NTRK3: variants seen among roughly 807,000 people sequenced by gnomAD.
NTRK3 encodes NT-3 growth factor receptor.
Under a neutral mutation model 91.7 loss-of-function variants are expected in NTRK3, and 24 were observed. The observed-to-expected ratio is 0.26, with a 90% CI of 0.19 to 0.37. The LOEUF is 0.37. Ranked by LOEUF, NTRK3 falls within the 10% of genes least tolerant of loss-of-function variation. The pLI, the probability that NTRK3 is intolerant of heterozygous loss-of-function variation, is 1.00. For synonymous variants in NTRK3, 483 were observed against 404.0 expected (o/e 1.20, Z -2.34); for missense variants, 880 against 1,068.9 (o/e 0.82, Z 2.46).
intron 17 of NTRK3, among the ~76,000 whole-genome samples, chr15:87,887,869 A>T (rs561988379): frequency 3.7e-4 from 57 of 152,312 alleles, no homozygotes; most frequent in Non-Finnish European, 7.2e-4. Context: ...AGAAGCCTCT[A>T]TCATCCCCAA....
chr15:88,253,617 C>T (rs936133874), intron 3 of NTRK3: 2 of 152,294 alleles, frequency 1.3e-5, no homozygotes, highest in Non-Finnish European at 2.9e-5. Context: ...GTCATTTGAC[C>T]CATGACCTCT....
intron 13 of NTRK3, among the ~76,000 whole-genome samples, chr15:88,124,398 A>G (rs2151089507): frequency 6.6e-6 from 1 of 152,300 alleles, no homozygotes; most frequent in African/African-American, 2.4e-5. Flanking sequence ...CGACATGGGG[A>G]CATGCTGTTC....
intron 3 of NTRK3, among the ~76,000 whole-genome samples, chr15:88,222,113 G>A (rs1567672922): frequency 1.3e-5 from 2 of 152,230 alleles, no homozygotes; most frequent in African/African-American, 2.4e-5. Flanking sequence ...AGGCAGTACA[G>A]AGGGACTGTT....
At chr15:88,012,429 T>A (rs1397067420) in intron 14 of NTRK3, among the ~76,000 whole-genome samples, 1 of 152,072 alleles carries the variant, frequency 6.6e-6, no homozygotes, top group Non-Finnish European at 1.5e-5. Flanking sequence ...CTCAGGACAC[T>A]CTGACCCCGA....
At chr15:88,091,512 G>C (rs780149919) in intron 13 of NTRK3, among the ~76,000 whole-genome samples, 3 of 152,222 alleles carry the variant, frequency 2.0e-5, no homozygotes, top group Non-Finnish European at 4.4e-5. Flanking sequence ...TTCTGTGCCT[G>C]ATTTCAAGCC....
chr15:88,063,727 C>T (rs905280883), intron 13 of NTRK3, among the ~76,000 whole-genome samples: 6 of 152,158 alleles, frequency 3.9e-5, no homozygotes, highest in Admixed American at 1.3e-4. Context: ...GTTTCCATCT[C>T]GCATGTGGTG....
intron 6 of NTRK3, among the ~76,000 whole-genome samples, chr15:88,137,839 T>A (rs2151224852): frequency 6.6e-6 from 1 of 152,168 alleles, no homozygotes; most frequent in South Asian, 2.1e-4. Context: ...GATCATGAGG[T>A]CAAGAGATTG....
exon 19 of NTRK3, chr15:87,875,796 C>T (rs892183930): frequency 4.3e-6 from 1 of 232,574 alleles, no homozygotes; most frequent in African/African-American, 2.2e-5. Context: ...GTGGGGTTTA[C>T]CTGGGACTCA....
At chr15:87,936,973 A>G (rs995391033) in intron 15 of NTRK3, among the ~76,000 whole-genome samples, 2 of 152,182 alleles carry the variant, frequency 1.3e-5, no homozygotes, top group Non-Finnish European at 2.9e-5. Context: ...CTGTCCTCGC[A>G]CACACTCCTC....
At chr15:87,997,290 A>T (rs540084987) in intron 14 of NTRK3, among the ~76,000 whole-genome samples, 12 of 152,346 alleles carry the variant, frequency 7.9e-5, no homozygotes, top group East Asian at 5.8e-4. Context: ...AGCTGTAAAC[A>T]ATATTCAACA....
exon 19 of NTRK3, chr15:87,872,810 A>T (rs967558325): frequency 8.6e-6 from 2 of 232,800 alleles, no homozygotes; most frequent in African/African-American, 2.2e-5. Context: ...TATTTTTAAC[A>T]AGCAAGTACA....
rs936129617 is a variant in NTRK3, at chr15:88,243,630, C to T, written c.248+12276G>A. 2.6e-5 allele frequency among the ~76,000 whole-genome samples: 4 copies of T among 151,932 alleles called. No homozygotes were observed. Among genetic ancestry groups the T allele is most frequent in the Non-Finnish European group, 4.4e-5 (3 of 68,022 alleles). ...ACACTCAAATTTAAGCTAAAAGAGG[C>T]TTTTTTGTCAACCAGACCAACCCCT... On this transcript the variant is annotated intron_variant, in intron 3 of 18. Transcript: ENST00000394480. The surrounding 1 kb of genome is among the most constrained non-coding windows in gnomAD (Gnocchi z 4.8).
In NTRK3 at chr15:87,934,712, GC is replaced by G. The variant is rs3837703; in HGVS notation, c.1717-1529del. Among the ~76,000 whole-genome samples, 584 of 152,216 alleles carry G rather than the reference GC, an allele frequency of 3.8e-3. 6 individuals are homozygous for G. Among genetic ancestry groups the G allele is most frequent in the East Asian group, 0.027 (139 of 5,170 alleles). On this transcript the variant is annotated intron_variant, in intron 15 of 18. Coordinates refer to ENST00000394480, the Ensembl canonical transcript of NTRK3. ...CATTTCTGGAGTTGGAGAAACTGAG[GC>G]TGAGCCTGTCCAGGAATCAGCTCAC...
At chr15:88,254,563 G>A (rs987982544) in intron 3 of NTRK3, among the ~76,000 whole-genome samples, 2 of 152,168 alleles carry the variant, frequency 1.3e-5, no homozygotes, top group Admixed American at 6.5e-5. Flanking sequence ...CCATTAAGCC[G>A]AGAGGGCTGG....
At chr15:87,890,235 A>G (rs1290701033) in intron 17 of NTRK3, among the ~76,000 whole-genome samples, 5 of 152,092 alleles carry the variant, frequency 3.3e-5, no homozygotes. Flanking sequence ...CAGTGGATTC[A>G]ATCTGATATT....
At chr15:88,004,564 T>C (rs900159512) in intron 14 of NTRK3, among the ~76,000 whole-genome samples, 2 of 152,136 alleles carry the variant, frequency 1.3e-5, no homozygotes, top group East Asian at 1.9e-4. Context: ...TCAAAACAGC[T>C]GTTGGAAAAA....
intron 13 of NTRK3, among the ~76,000 whole-genome samples, chr15:88,087,368 G>A (rs1195318023): frequency 6.6e-6 from 1 of 152,166 alleles, no homozygotes; most frequent in Non-Finnish European, 1.5e-5. Flanking sequence ...GGGAGGGGCT[G>A]CTGTCTAGGT....
At chr15:87,879,622 A>ATTCT (rs2065134137) in intron 18 of NTRK3, among the ~76,000 whole-genome samples, 7 of 152,220 alleles carry the variant, frequency 4.6e-5, no homozygotes, top group Non-Finnish European at 5.9e-5. Flanking sequence ...CATGCTTAGA[A>ATTCT]AAGTGCCTAC....
intron 14 of NTRK3, among the ~76,000 whole-genome samples, chr15:87,987,536 T>C (rs1422797554): frequency 6.6e-6 from 1 of 152,082 alleles, no homozygotes; most frequent in Non-Finnish European, 1.5e-5. Context: ...TGTGTGTGTG[T>C]GTGTGTGTGT....
Sources: gnomAD v4.1 joint callset for allele counts (sites outside exome capture counted in the v4.1 genomes callset) on GRCh38, gnomAD v4.1.1 for gene constraint, Gnocchi (gnomAD v3.1) non-coding constraint, MANE v1.5 for transcripts, NCBI Gene and HGNC (gene_info 2026-07-23, HGNC 2026-07-21) for gene names.